TBCE: variants seen among roughly 807,000 people sequenced by gnomAD.
TBCE encodes the protein tubulin-specific chaperone E.
In TBCE, 53 loss-of-function variants were observed where a neutral mutation model predicts 77.0. The observed-to-expected ratio is 0.69, with a 90% confidence interval of 0.55 to 0.87. The LOEUF is 0.87. TBCE is among the 40% of genes least tolerant of loss of function. TBCE has a pLI of 0.00. For synonymous variants in TBCE, 235 were observed against 241.3 expected (o/e 0.97, Z 0.24); for missense variants, 624 against 622.4 (o/e 1.00, Z -0.03).
chr1:235,400,408 C>CTTTTTTTTTTT (rs71174425), intron 2 of TBCE, among the ~76,000 whole-genome samples: 9 of 106,048 alleles, frequency 8.5e-5, no homozygotes, highest in Non-Finnish European at 1.2e-4. Context: ...TATTTTTCCT[C>CTTTTTTTTTTT]TTTTTTTTTT....
Position 235,448,885 on chromosome 1 carries a change from T to C in TBCE, c.*123T>C. The stretch of plus-strand genomic sequence containing the variant: ...GGGGGTTTACAACTTGTCCTAAGTA[T>C]AACAAGGGATGTATTTTTTGTTGGG... On this transcript the variant is annotated 3_prime_UTR_variant, in exon 17 of 17. Transcript: ENST00000642610. The C allele has an allele frequency of 1.3e-6, 1 of 755,316 alleles. No individual in the cohort carries two copies. Among genetic ancestry groups the C allele is most frequent in the Non-Finnish European group, 2.3e-6 (1 of 435,780 alleles). 46.8% of individuals were successfully genotyped at this position (755,316 alleles called of 1,614,324 possible). A position where few individuals can be genotyped will look rare whatever the true frequency, so the allele number is the denominator to read the frequency against.
chr1:235,414,462 C>T lies in TBCE; in HGVS notation c.215C>T (p.Pro72Leu), dbSNP rs768907207. 6.2e-6 allele frequency: 10 copies of T among 1,613,372 alleles called. No homozygotes were observed. The highest frequency in any genetic ancestry group is 1.1e-5 in the South Asian group (1 of 91,012). ...CCGACAGGAGGATCCTTTATTCGTC[C>T]GAACAAGGTAAATTTTGGAACAGAC... ...RHPTGGSFIR[P>L]NKVNFGTDFL... The change falls in exon 4 of 17, where the codon CCG becomes CTG. Residue 72 changes from proline to leucine, a missense_variant. By Grantham distance (98) the Pro-to-Leu change is moderately conservative (BLOSUM62 -3). Coordinates refer to ENST00000642610, the MANE Select transcript of TBCE (RefSeq NM_003193.5).
intron 6 of TBCE, 117 bp from the exon 7 acceptor site, chr1:235,430,588 T>C (rs1681029322): frequency 1.4e-6 from 1 of 701,078 alleles, no homozygotes; most frequent in African/African-American, 1.8e-5. Context: ...AATTCCATTT[T>C]AAGATTGAAA....
Position 235,373,137 on chromosome 1 carries a change from C to CT in TBCE, c.-32+5633_-32+5634insT, listed in dbSNP as rs139713102. Among the ~76,000 whole-genome samples the CT allele has an allele frequency of 2.0e-3, 296 of 151,644 alleles. 2 individuals are homozygous for CT. Among genetic ancestry groups the CT allele is most frequent in the Admixed American group, 3.5e-3 (53 of 15,198 alleles). ...CTTGAGCCCAGGAGTTAAAGACCAG[C>CT]CTGGATAACATAGTGAGGCCCTACT... On this transcript the variant is annotated intron_variant, in intron 1 of 16. Coordinates refer to ENST00000642610, the MANE Select transcript of TBCE (RefSeq NM_003193.5).
chr1:235,411,808 C>T (rs1464435746), intron 3 of TBCE, among the ~76,000 whole-genome samples: 1 of 152,044 alleles, frequency 6.6e-6, no homozygotes, highest in African/African-American at 2.4e-5. Flanking sequence ...ATTTCATCAA[C>T]ATACAAGGTG....
At chr1:235,406,617 C>T (rs980676626) in intron 3 of TBCE, among the ~76,000 whole-genome samples, 18 of 152,082 alleles carry the variant, frequency 1.2e-4, no homozygotes, top group East Asian at 5.8e-4. Flanking sequence ...CTGCAACCTC[C>T]GCCTCCCGGG....
At chr1:235,412,611 C>G (rs557359509) in intron 3 of TBCE, among the ~76,000 whole-genome samples, 1 of 151,788 alleles carries the variant, frequency 6.6e-6, no homozygotes, top group Non-Finnish European at 1.5e-5. Context: ...CGCACCCAGC[C>G]CACACTCTCT....
chr1:235,393,109 A>G (rs1174494524), intron 2 of TBCE, among the ~76,000 whole-genome samples: 1 of 152,116 alleles, frequency 6.6e-6, no homozygotes, highest in Non-Finnish European at 1.5e-5. Flanking sequence ...TTATCCCACC[A>G]TTTCCTGTGG....
Position 235,437,489 on chromosome 1 carries a change from C to A in TBCE, c.1116+15C>A. On this transcript the variant is annotated intron_variant, in intron 12 of 16. Coordinates refer to ENST00000642610, the MANE Select transcript of TBCE (RefSeq NM_003193.5). ...ACAAATGTGAGGTGAGCACTGGCGT[C>A]ATGACTAGATATTTTTTAGACTAGA... 2 of 1,613,428 alleles carry A rather than the reference C, an allele frequency of 1.2e-6. No individual in the cohort carries two copies. Among genetic ancestry groups the A allele is most frequent in the Non-Finnish European group, 1.7e-6 (2 of 1,179,736 alleles).
chr1:235,385,778 C>A (rs906085789), intron 2 of TBCE, among the ~76,000 whole-genome samples: 4 of 152,088 alleles, frequency 2.6e-5, no homozygotes, highest in Non-Finnish European at 4.4e-5. Flanking sequence ...TCCAATTTGC[C>A]AGTCTGTGTC....
chr1:235,435,634 T>A (rs1243940968), intron 8 of TBCE, 111 bp from the exon 9 acceptor site: 3 of 1,019,944 alleles, frequency 2.9e-6, no homozygotes, highest in Non-Finnish European at 4.6e-6. Flanking sequence ...CATATTTACT[T>A]GCTTCTTATC....
intron 9 of TBCE, chr1:235,436,071 T>C (rs1681431598): frequency 1.7e-6 from 1 of 605,626 alleles, no homozygotes; most frequent in Non-Finnish European, 2.9e-6. Context: ...ATGAATAATT[T>C]GACCCTGGTG....
At position 235,432,929 on chromosome 1, in the gene TBCE, TA is replaced by T. The variant is rs749077343; in HGVS notation, c.661-1263del. 44,722 of 782,356 alleles carry T rather than the reference TA, an allele frequency of 0.057. 206 individuals are homozygous for T. The highest frequency in any genetic ancestry group is 0.11 in the African/African-American group (5,834 of 53,346). The allele number at this position is 782,356 out of a possible 1,614,324, so 48.5% of individuals were successfully genotyped here. ...TAATTTTTTGTAATTTTTTTTTTTG[TA>T]AAAAAAAAAAATTAGGCTCATGCGC... is the stretch of plus-strand genomic sequence containing the variant. On this transcript the variant is annotated intron_variant, in intron 7 of 16. Coordinates refer to ENST00000642610, the MANE Select transcript of TBCE (RefSeq NM_003193.5).
chr1:235,430,279 C>G (rs1368422189), intron 6 of TBCE: 1 of 160,166 alleles, frequency 6.2e-6, no homozygotes, highest in Admixed American at 6.2e-5. Flanking sequence ...ATCCTCATAG[C>G]CAAAGGGCAG....
rs115406854 is a variant in TBCE, at chr1:235,378,735, C to T, written c.-31-1284C>T. On this transcript the variant is annotated intron_variant, in intron 1 of 16. Transcript: ENST00000642610. Reference sequence around the variant, plus strand: ...GGTGGCGTGTGCGTGGTGGCGTGTGCCTGTAATCCCAGTTACTAGGGAGGC... The same window carrying T: ...GGTGGCGTGTGCGTGGTGGCGTGTGTCTGTAATCCCAGTTACTAGGGAGGC... Among the ~76,000 whole-genome samples the T allele has an allele frequency of 9.1e-3, 1,382 of 152,166 alleles. 10 individuals carry two copies. Among genetic ancestry groups the T allele is most frequent in the Non-Finnish European group, 0.015 (1,003 of 68,004 alleles).
intron 2 of TBCE, among the ~76,000 whole-genome samples, chr1:235,382,478 T>C (rs972328911): frequency 1.3e-5 from 2 of 152,160 alleles, no homozygotes; most frequent in African/African-American, 4.8e-5. Flanking sequence ...CAGCACCTGT[T>C]GTTTCCTGAC....
At chr1:235,403,216 C>T (rs1171577593) in intron 3 of TBCE, among the ~76,000 whole-genome samples, 1 of 151,668 alleles carries the variant, frequency 6.6e-6, no homozygotes, top group Non-Finnish European at 1.5e-5. Flanking sequence ...GGACTTTTTT[C>T]TTTTTTTTGA....
At chr1:235,374,249 C>A (rs1677155165) in intron 1 of TBCE, among the ~76,000 whole-genome samples, 1 of 146,254 alleles carries the variant, frequency 6.8e-6, no homozygotes, top group African/African-American at 2.6e-5. Flanking sequence ...AGCCACTTTG[C>A]CTAGCCTACA....
intron 7 of TBCE, among the ~76,000 whole-genome samples, chr1:235,431,901 A>T (rs765929195): frequency 2.7e-5 from 4 of 149,914 alleles, no homozygotes; most frequent in Non-Finnish European, 4.4e-5. Context: ...CGAACTCCTG[A>T]CTTCAGGTGA....
Sources: gnomAD v4.1 joint callset for allele counts (sites outside exome capture counted in the v4.1 genomes callset) on GRCh38, gnomAD v4.1.1 for gene constraint, MANE v1.5 for transcripts, NCBI Gene and HGNC (gene_info 2026-07-23, HGNC 2026-07-21) for gene names.